The following GSK3B variants were observed in gnomAD, a reference collection of about 807,000 sequenced individuals.
GSK3B encodes glycogen synthase kinase-3 beta.
A neutral mutation model predicts 56.4 loss-of-function variants in GSK3B; 15 were observed. The ratio of observed to expected loss-of-function variants is 0.27; its 90% CI spans 0.18 to 0.41. GSK3B has a LOEUF of 0.41. GSK3B is among the 10% of genes least tolerant of loss of function. The probability of loss-of-function intolerance (pLI) is 1.00; values close to 1 mark genes in which losing one functional copy is unlikely to be tolerated. For synonymous variants in GSK3B, 181 were observed against 188.9 expected, an observed-to-expected ratio of 0.96 and a Z score of 0.34; for missense variants, 300 against 513.4, an observed-to-expected ratio of 0.58 and a Z score of 4.02.
At chr3:120,032,881 TAACA>T (rs1411194890) in intron 1 of GSK3B, among the ~76,000 whole-genome samples, 1 of 152,226 alleles carries the variant, frequency 6.6e-6, no homozygotes, top group Non-Finnish European at 1.5e-5. Context: ...TTAATTCACA[TAACA>T]AATAATTCAC....
intron 7 of GSK3B, among the ~76,000 whole-genome samples, chr3:119,880,385 T>C (rs978644714): frequency 1.2e-4 from 19 of 152,176 alleles, no homozygotes; most frequent in Non-Finnish European, 2.1e-4. Context: ...TTGTCAAATA[T>C]TTTCTCCCAT....
chr3:119,873,217 CCA>C (rs1325352535), intron 8 of GSK3B, among the ~76,000 whole-genome samples: 1 of 152,142 alleles, frequency 6.6e-6, no homozygotes, highest in Non-Finnish European at 1.5e-5. Flanking sequence ...CTGCCATACA[CCA>C]CACTGGGATC....
At chr3:119,831,040 G>A (rs997010825) in intron 10 of GSK3B, among the ~76,000 whole-genome samples, 1 of 152,122 alleles carries the variant, frequency 6.6e-6, no homozygotes, top group African/African-American at 2.4e-5. Flanking sequence ...ACCACACTAA[G>A]TATTTTGCAG....
chr3:120,053,975 A>G (rs901304397), intron 1 of GSK3B, among the ~76,000 whole-genome samples: 10 of 152,186 alleles, frequency 6.6e-5, no homozygotes, highest in Non-Finnish European at 1.3e-4. Context: ...ATGAAAATGA[A>G]CTAATACAGC....
At chr3:120,050,773 G>C (rs1456706968) in intron 1 of GSK3B, among the ~76,000 whole-genome samples, 1 of 152,134 alleles carries the variant, frequency 6.6e-6, no homozygotes, top group African/African-American at 2.4e-5. Flanking sequence ...TGCAGGTCTA[G>C]GATTCTGAAA....
chr3:119,975,086 G>T (rs907698608), intron 2 of GSK3B, among the ~76,000 whole-genome samples: 1 of 152,098 alleles, frequency 6.6e-6, no homozygotes, highest in Non-Finnish European at 1.5e-5. Context: ...AAGATGTCCC[G>T]CAACAGGTAA....
intron 9 of GSK3B, among the ~76,000 whole-genome samples, chr3:119,854,635 G>A (rs2055990754): frequency 6.6e-6 from 1 of 152,052 alleles, no homozygotes; most frequent in Non-Finnish European, 1.5e-5. Context: ...ACTTCTTCCT[G>A]GTTTAGTCTT....
chr3:120,084,640 G>A (rs775471931), intron 1 of GSK3B: 37 of 152,150 alleles, frequency 2.4e-4, no homozygotes, highest in African/African-American at 8.4e-4. Context: ...TCTCTCAAGA[G>A]AACAGGTTTT....
chr3:119,953,293 CAT>C (rs1303922425), intron 2 of GSK3B, among the ~76,000 whole-genome samples: 2 of 94,328 alleles, frequency 2.1e-5, no homozygotes, highest in East Asian at 4.6e-4. Context: ...ACAAATATAA[CAT>C]GAGAGATATA....
rs55644728 is a variant in GSK3B at position 119,823,869 on chromosome 3, C to T, written c.*2919G>A. On this transcript the variant is annotated 3_prime_UTR_variant, in exon 11 of 11. Transcript: ENST00000264235. ...TTATTTCAAAGGGAAAGGGGGTGGA[C>T]AGGGAGACATGGATAAAGGAAACCA... 20,920 of 198,652 alleles carry T rather than the reference C, an allele frequency of 0.11. 1,244 individuals are homozygous for T. Among genetic ancestry groups the T allele is most frequent in the Middle Eastern group, 0.12 (72 of 592 alleles). The allele number at this position is 198,652 out of a possible 1,614,324, so 12.3% of individuals were successfully genotyped here.
At chr3:120,063,593 T>A (rs1186823410) in intron 1 of GSK3B, among the ~76,000 whole-genome samples, 1 of 151,794 alleles carries the variant, frequency 6.6e-6, no homozygotes, top group Admixed American at 6.6e-5. Flanking sequence ...CAGGATGCGG[T>A]GGCAGGCACC....
At chr3:119,960,147 G>A (rs2057257118) in intron 2 of GSK3B, among the ~76,000 whole-genome samples, 2 of 66,956 alleles carry the variant, frequency 3.0e-5, no homozygotes, top group South Asian at 5.4e-4. Context: ...AACCTATGCT[G>A]AGACAAAAAA....
At chr3:119,917,370 C>T (rs1046798700) in intron 4 of GSK3B, among the ~76,000 whole-genome samples, 1 of 152,196 alleles carries the variant, frequency 6.6e-6, no homozygotes, top group African/African-American at 2.4e-5. Flanking sequence ...GTAAACTGTA[C>T]AGATAAGATC....
chr3:119,916,254 G>T (rs1559835184), intron 4 of GSK3B, 80 bp from the exon 5 acceptor site: 2 of 1,228,852 alleles, frequency 1.6e-6, no homozygotes, highest in South Asian at 2.8e-5. Flanking sequence ...TAAAGTAACA[G>T]ATTCTCAGAA....
In GSK3B at chr3:120,094,006, A is replaced by C. The variant is rs2107591825; in HGVS notation, c.-572T>G. Reference sequence around the variant, plus strand: ...GCTGACGGCAGGGGCCCGGCGAACTAGAGGGCGGCGGAGTCGCGAGTCAGT... The same window carrying C: ...GCTGACGGCAGGGGCCCGGCGAACTCGAGGGCGGCGGAGTCGCGAGTCAGT... On this transcript the variant is annotated 5_prime_UTR_variant, in exon 1 of 11. Transcript: ENST00000264235. The C allele has an allele frequency of 9.2e-6, 2 of 216,798 alleles. No homozygotes were observed. Among genetic ancestry groups the C allele is most frequent in the East Asian group, 6.9e-5 (1 of 14,562 alleles). The allele number at this position is 216,798 out of a possible 1,614,324, so 13.4% of individuals were successfully genotyped here.
chr3:119,941,354 G>A (rs149301579), intron 3 of GSK3B, among the ~76,000 whole-genome samples: 1 of 152,160 alleles, frequency 6.6e-6, no homozygotes, highest in African/African-American at 2.4e-5. Context: ...CCCCTTGTTT[G>A]ATAATTTACT....
intron 5 of GSK3B, among the ~76,000 whole-genome samples, chr3:119,915,227 TA>T (rs1204787650): frequency 1.3e-5 from 2 of 151,982 alleles, no homozygotes; most frequent in Non-Finnish European, 2.9e-5. Flanking sequence ...AAGGGTGGAA[TA>T]AAAGGTTAAA....
At chr3:119,827,441 A>C (rs2055529269) in intron 10 of GSK3B, among the ~76,000 whole-genome samples, 1 of 152,152 alleles carries the variant, frequency 6.6e-6, no homozygotes, top group Admixed American at 6.6e-5. Flanking sequence ...GGATAAAAGA[A>C]AATGTGGTAT....
At chr3:119,852,123 A>G (rs1483620563) in intron 9 of GSK3B, among the ~76,000 whole-genome samples, 1 of 152,212 alleles carries the variant, frequency 6.6e-6, no homozygotes, top group South Asian at 2.1e-4. Flanking sequence ...GCTTACTGAT[A>G]CTGTTTTGGT....
Sources: allele counts gnomAD v4.1 joint callset (sites outside exome capture counted in the v4.1 genomes callset), GRCh38; gene constraint gnomAD v4.1.1; transcripts MANE v1.5; gene names NCBI Gene and HGNC (gene_info 2026-07-23, HGNC 2026-07-21).